SLCO1A2: variants seen among roughly 807,000 people sequenced by gnomAD.
SLCO1A2 encodes OATP-1.
In SLCO1A2, 67 loss-of-function variants were observed where a neutral mutation model predicts 69.0. That is an observed-to-expected ratio of 0.97 (90% CI 0.80 to 1.19). The LOEUF (loss-of-function observed/expected upper bound fraction) is 1.19, where lower values mean the gene tolerates loss of function less well. Among genes scored for constraint, SLCO1A2 ranks in the 50% most tolerant of loss-of-function variants. The probability of loss-of-function intolerance (pLI) is 0.00; values close to 1 mark genes in which losing one functional copy is unlikely to be tolerated. For synonymous variants in SLCO1A2, 260 were observed against 265.9 expected (o/e 0.98, Z 0.22); for missense variants, 787 against 793.7 (o/e 0.99, Z 0.10).
rs147332453 is a variant in SLCO1A2 at position 21,314,476 on chromosome 12, A to G, written c.335+73T>C. ...TATGCTGTTGGAAAGCATTGCTCCTAGAGAGGAAAGTGCAACTTCATTTCC... is the reference window on the plus strand; with the variant it reads ...TATGCTGTTGGAAAGCATTGCTCCTGGAGAGGAAAGTGCAACTTCATTTCC... On this transcript the variant is annotated intron_variant, in intron 4 of 14. Coordinates refer to ENST00000683939, the MANE Select transcript of SLCO1A2 (RefSeq NM_001386879.1). The G allele has an allele frequency of 2.7e-4, 412 of 1,519,618 alleles. 1 individual carries two copies. In the African/African-American group the frequency reaches 5.1e-3, roughly 19 times the overall value. 94.1% of individuals were successfully genotyped at this position (1,519,618 alleles called of 1,614,324 possible).
At chr12:21,271,640 C>A (rs1942860619) in intron 14 of SLCO1A2, among the ~76,000 whole-genome samples, 1 of 147,696 alleles carries the variant, frequency 6.8e-6, no homozygotes, top group Non-Finnish European at 1.5e-5. Context: ...TAAATATATA[C>A]ATCTTTATAT....
At chr12:21,299,383 T>C (rs1358149168) in intron 8 of SLCO1A2, among the ~76,000 whole-genome samples, 1 of 152,124 alleles carries the variant, frequency 6.6e-6, no homozygotes, top group Non-Finnish European at 1.5e-5. Flanking sequence ...AAAAAAATGT[T>C]ACATGCAATT....
At chr12:21,297,846 A>G (rs890241829) in intron 8 of SLCO1A2, among the ~76,000 whole-genome samples, 1 of 152,208 alleles carries the variant, frequency 6.6e-6, no homozygotes, top group African/African-American at 2.4e-5. Flanking sequence ...AAGCAAAACT[A>G]CAAAGTGACC....
At chr12:21,321,905 G>A (rs1385226747) in intron 2 of SLCO1A2, among the ~76,000 whole-genome samples, 1 of 152,070 alleles carries the variant, frequency 6.6e-6, no homozygotes, top group Non-Finnish European at 1.5e-5. Context: ...GGATTTAGAT[G>A]TCTATAAGTT....
intron 6 of SLCO1A2, among the ~76,000 whole-genome samples, chr12:21,303,826 A>C (rs886918917): frequency 6.6e-6 from 1 of 152,176 alleles, no homozygotes; most frequent in Non-Finnish European, 1.5e-5. Context: ...ATCATTAAGA[A>C]GAGAAACTGT....
Position 21,300,365 on chromosome 12 carries a change from T to G in SLCO1A2, c.893A>C (p.Lys298Thr). The change falls in exon 8 of 15, where the codon AAA becomes ACA. Residue 298 changes from lysine to threonine, a missense_variant. Coordinates refer to ENST00000683939, the MANE Select transcript of SLCO1A2 (RefSeq NM_001386879.1). ...ATATTTGCCTTTAGTGATTCCATAT[T>G]TTTCCTTCTTGACCTCTTCTTTTTG... The part of the protein sequence containing the change: ...DKQKEEVKKE[K>T]YGITKDFLPF... The G allele has an allele frequency of 6.2e-7, 1 of 1,610,820 alleles. No individual in the cohort carries two copies. Among genetic ancestry groups the G allele is most frequent in the South Asian group, 1.1e-5 (1 of 90,924 alleles).
upstream of SLCO1A2, among the ~76,000 whole-genome samples, chr12:21,397,328 C>T (rs1941505478): frequency 6.6e-6 from 1 of 152,028 alleles, no homozygotes; most frequent in Non-Finnish European, 1.5e-5. Context: ...GCTAACTATC[C>T]TAAATATATG....
At chr12:21,315,733 T>G (rs1950790178) in intron 3 of SLCO1A2, among the ~76,000 whole-genome samples, 1 of 152,194 alleles carries the variant, frequency 6.6e-6, no homozygotes, top group South Asian at 2.1e-4. Context: ...CTCTCTAGTT[T>G]TCTAAAATCT....
chr12:21,280,377 G>C (rs1435918250), intron 12 of SLCO1A2, among the ~76,000 whole-genome samples: 1 of 151,796 alleles, frequency 6.6e-6, no homozygotes, highest in African/African-American at 2.4e-5. Context: ...AAAATAAAGG[G>C]ATGAAAAAGA....
In SLCO1A2 at chr12:21,272,672, T is replaced by C. The variant is rs185984969; in HGVS notation, c.1793+1797A>G. 2.1e-3 allele frequency among the ~76,000 whole-genome samples: 323 copies of C among 152,224 alleles called. 2 individuals carry two copies. Among genetic ancestry groups the C allele is most frequent in the African/African-American group, 7.5e-3 (311 of 41,544 alleles). ...TCATTTTATATTTTTGATCTATCTA[T>C]CTCTTACAAACAACATTTAGTTCAA... On this transcript the variant is annotated intron_variant, in intron 14 of 14. Coordinates refer to ENST00000683939, the MANE Select transcript of SLCO1A2 (RefSeq NM_001386879.1).
chr12:21,278,459 A>G (rs941430820), intron 12 of SLCO1A2, among the ~76,000 whole-genome samples: 1 of 152,064 alleles, frequency 6.6e-6, no homozygotes, highest in Non-Finnish European at 1.5e-5. Context: ...CTGGATTCCA[A>G]TCTAACCCAG....
chr12:21,370,843 A>G (rs530112235), intron 2 of SLCO1A2, among the ~76,000 whole-genome samples: 1 of 152,300 alleles, frequency 6.6e-6, no homozygotes, highest in South Asian at 2.1e-4. Flanking sequence ...TGCTTTCTAC[A>G]TCACTGTATT....
chr12:21,413,833 T>C (rs1360440046), intron 1 of SLCO1A2, among the ~76,000 whole-genome samples: 1 of 152,054 alleles, frequency 6.6e-6, no homozygotes, highest in Non-Finnish European at 1.5e-5. Context: ...TGAATAGATT[T>C]ACTGGAGAGT....
At chr12:21,414,551 T>C (rs188467636) in intron 1 of SLCO1A2, among the ~76,000 whole-genome samples, 1 of 152,252 alleles carries the variant, frequency 6.6e-6, no homozygotes, top group East Asian at 1.9e-4. Context: ...TTTTTTAATT[T>C]ATCAAACTTA....
chr12:21,409,580 A>C (rs929032048), intron 1 of SLCO1A2, among the ~76,000 whole-genome samples: 4 of 152,320 alleles, frequency 2.6e-5, no homozygotes, highest in Middle Eastern at 3.4e-3. Flanking sequence ...GTGCAAAACA[A>C]TGCTTCTGGT....
chr12:21,348,043 C>T (rs564259994), intron 2 of SLCO1A2, among the ~76,000 whole-genome samples: 1 of 152,116 alleles, frequency 6.6e-6, no homozygotes, highest in African/African-American at 2.4e-5. Context: ...CAACATCCAC[C>T]TTTTAGTCTT....
intron 12 of SLCO1A2, among the ~76,000 whole-genome samples, chr12:21,291,175 G>T (rs74064510): frequency 0.026 from 3,985 of 152,204 alleles, 168 homozygotes; most frequent in African/African-American, 0.092. Context: ...TAACTCTCAT[G>T]CAGTGATGAT....
chr12:21,342,613 T>A (rs1475598304), intron 2 of SLCO1A2, among the ~76,000 whole-genome samples: 1 of 151,972 alleles, frequency 6.6e-6, no homozygotes, highest in Non-Finnish European at 1.5e-5. Context: ...GGGGTGTATG[T>A]CACAAATTAA....
At chr12:21,279,188 A>G (rs1478582895) in intron 12 of SLCO1A2, among the ~76,000 whole-genome samples, 1 of 152,104 alleles carries the variant, frequency 6.6e-6, no homozygotes, top group African/African-American at 2.4e-5. Flanking sequence ...AATAAAAAAA[A>G]GTGAAGTGCA....
Sources: gnomAD v4.1 joint callset for allele counts (sites outside exome capture counted in the v4.1 genomes callset) on GRCh38, gnomAD v4.1.1 for gene constraint, MANE v1.5 for transcripts, NCBI Gene and HGNC (gene_info 2026-07-23, HGNC 2026-07-21) for gene names.